FANCC: variants seen among roughly 807,000 people sequenced by gnomAD.
FANCC encodes the protein Fanconi anemia group C protein.
Under a neutral mutation model 71.3 loss-of-function variants are expected in FANCC, and 55 were observed. That is an observed-to-expected ratio of 0.77 (90% CI 0.62 to 0.97). FANCC has a LOEUF of 0.97. Ranked by LOEUF, FANCC falls within the 50% of genes least tolerant of loss-of-function variation. The pLI is 0.00. For synonymous variants in FANCC, 275 were observed against 244.9 expected (o/e 1.12, Z -1.15); for missense variants, 678 against 670.9 (o/e 1.01, Z -0.12).
intron 1 of FANCC, among the ~76,000 whole-genome samples, chr9:95,275,316 T>A (rs1282881907): frequency 6.6e-6 from 1 of 151,432 alleles, no homozygotes; most frequent in African/African-American, 2.4e-5. Flanking sequence ...TAAAATAAAA[T>A]AAAAACAGAA....
chr9:95,206,671 T>C (rs927590935), intron 4 of FANCC, among the ~76,000 whole-genome samples: 2 of 152,140 alleles, frequency 1.3e-5, no homozygotes, highest in African/African-American at 4.8e-5. Context: ...TTAAACCCCT[T>C]AACAGATAGC....
At chr9:95,283,154 C>T (rs960217212) in intron 1 of FANCC, among the ~76,000 whole-genome samples, 5 of 152,222 alleles carry the variant, frequency 3.3e-5, no homozygotes, top group African/African-American at 4.8e-5. Context: ...ACAATCATAG[C>T]TCACTACAGC....
chr9:95,115,004 G>C (rs1057482701), intron 11 of FANCC, among the ~76,000 whole-genome samples: 8 of 152,146 alleles, frequency 5.3e-5, no homozygotes, highest in African/African-American at 1.9e-4. Context: ...GCAGTGGTAC[G>C]ATCCTGGTTC....
intron 6 of FANCC, among the ~76,000 whole-genome samples, chr9:95,170,522 GATTA>G (rs1180614284): frequency 6.6e-6 from 1 of 152,064 alleles, no homozygotes; most frequent in African/African-American, 2.4e-5. Context: ...TTTGTAATGT[GATTA>G]ATTGCCTTTT....
intron 1 of FANCC, among the ~76,000 whole-genome samples, chr9:95,272,628 G>A (rs1398181240): frequency 6.6e-6 from 1 of 152,116 alleles, no homozygotes; most frequent in Non-Finnish European, 1.5e-5. Context: ...CCGAGACGTG[G>A]AGGTTGCAGT....
intron 1 of FANCC, among the ~76,000 whole-genome samples, chr9:95,275,900 T>C (rs1337015776): frequency 6.6e-6 from 1 of 152,056 alleles, no homozygotes; most frequent in African/African-American, 2.4e-5. Flanking sequence ...ACTCTGAGCA[T>C]AAGGATCATA....
At chr9:95,187,241 T>C (rs1487688570) in intron 4 of FANCC, among the ~76,000 whole-genome samples, 1 of 152,182 alleles carries the variant, frequency 6.6e-6, no homozygotes, top group Non-Finnish European at 1.5e-5. Flanking sequence ...CTGCTGTATC[T>C]GAAGTCGCAG....
intron 6 of FANCC, among the ~76,000 whole-genome samples, chr9:95,161,302 GC>G (rs372288744): frequency 2.6e-5 from 4 of 152,306 alleles, no homozygotes; most frequent in African/African-American, 9.6e-5. Context: ...GGAAGGAGAA[GC>G]CAGCCCGAAA....
intron 4 of FANCC, among the ~76,000 whole-genome samples, chr9:95,213,107 A>G (rs1413096020): frequency 6.6e-6 from 1 of 152,206 alleles, no homozygotes; most frequent in Non-Finnish European, 1.5e-5. Flanking sequence ...TGTTGCAATG[A>G]TATTTTCATT....
At chr9:95,145,905 T>C (rs1008653289) in intron 7 of FANCC, among the ~76,000 whole-genome samples, 6 of 151,902 alleles carry the variant, frequency 3.9e-5, no homozygotes, top group African/African-American at 1.5e-4. Context: ...CAAAGAGGGA[T>C]TGAAAGAGAC....
chr9:95,127,136 A>AAGAAGAATAAAAGTTATCTAATTTCTC (rs1212253952), intron 8 of FANCC: 160 of 154,474 alleles, frequency 1.0e-3, no homozygotes, highest in Non-Finnish European at 1.9e-3. Flanking sequence ...GGGGTTCATG[A>AAGAAGAATAAAAGTTATCTAATTTCTC]AGAAGAATAA....
chr9:95,257,158 T>C (rs1260207729), intron 1 of FANCC, among the ~76,000 whole-genome samples: 1 of 152,162 alleles, frequency 6.6e-6, no homozygotes, highest in Non-Finnish European at 1.5e-5. Flanking sequence ...TATTCAGGAT[T>C]TGAACTCAGC....
At chr9:95,259,907 G>A (rs1831914484) in intron 1 of FANCC, among the ~76,000 whole-genome samples, 1 of 152,176 alleles carries the variant, frequency 6.6e-6, no homozygotes, top group Non-Finnish European at 1.5e-5. Context: ...CTCAAAAGAA[G>A]ACATTTATGC....
chr9:95,121,450 A>G (rs771071188), intron 10 of FANCC, among the ~76,000 whole-genome samples: 12 of 152,204 alleles, frequency 7.9e-5, no homozygotes, highest in Non-Finnish European at 1.5e-4. Flanking sequence ...GAGCACCAAC[A>G]CTTTTGAAAT....
At chr9:95,255,495 G>C (rs1831607036) in intron 1 of FANCC, among the ~76,000 whole-genome samples, 1 of 152,118 alleles carries the variant, frequency 6.6e-6, no homozygotes. Context: ...GAAAGGAATA[G>C]CATCAACATC....
chr9:95,230,632 G>A (rs1349605972), intron 4 of FANCC, among the ~76,000 whole-genome samples: 3 of 152,090 alleles, frequency 2.0e-5, no homozygotes, highest in South Asian at 2.1e-4. Context: ...GAGTGAAGCC[G>A]CAGACCTTCG....
intron 6 of FANCC, among the ~76,000 whole-genome samples, chr9:95,163,571 T>C (rs1292590358): frequency 6.6e-6 from 1 of 152,136 alleles, no homozygotes; most frequent in Non-Finnish European, 1.5e-5. Flanking sequence ...AAGCATAGGC[T>C]GGGTGCAGTG....
intron 1 of FANCC, among the ~76,000 whole-genome samples, chr9:95,315,380 A>G (rs909298127): frequency 6.6e-6 from 1 of 152,056 alleles, no homozygotes; most frequent in African/African-American, 2.4e-5. Flanking sequence ...CCGCATCACT[A>G]TGGCCGGCTA....
intron 5 of FANCC, 101 bp downstream of exon 5, chr9:95,171,936 A>T: frequency 1.3e-6 from 1 of 774,824 alleles, no homozygotes; most frequent in Non-Finnish European, 2.3e-6. Context: ...AAGAAAAGTT[A>T]AACATCTCTT....
Sources: allele counts gnomAD v4.1 joint callset (sites outside exome capture counted in the v4.1 genomes callset), GRCh38; gene constraint gnomAD v4.1.1; transcripts MANE v1.5; gene names NCBI Gene and HGNC (gene_info 2026-07-23, HGNC 2026-07-21).